Variants in TNFRSF10B observed in about 807,000 individuals in gnomAD.
The protein encoded by TNFRSF10B is TNF receptor superfamily member 10b, also known as tumor necrosis factor receptor superfamily member 10B.
TNFRSF10B carries 35 observed loss-of-function variants against 41.4 expected under a neutral mutation model. The ratio of observed to expected loss-of-function variants is 0.85; its 90% CI spans 0.65 to 1.12. The LOEUF is 1.12. Among genes scored for constraint, TNFRSF10B ranks in the 50% most tolerant of loss-of-function variants. TNFRSF10B has a pLI of 0.00. For synonymous variants in TNFRSF10B, 230 were observed against 215.5 expected, an observed-to-expected ratio of 1.07 and a Z score of -0.59; for missense variants, 584 against 552.7, an observed-to-expected ratio of 1.06 and a Z score of -0.57.
At chr8:23,058,212 A>G (rs1372338216) in intron 1 of TNFRSF10B, among the ~76,000 whole-genome samples, 1 of 152,062 alleles carries the variant, frequency 6.6e-6, no homozygotes, top group Non-Finnish European at 1.5e-5. Flanking sequence ...TCGCCACTGC[A>G]CTCCAGCCTG....
intron 7 of TNFRSF10B, 93 bp from the exon 8 acceptor site, chr8:23,024,353 C>T: frequency 7.5e-7 from 1 of 1,340,546 alleles, no homozygotes; most frequent in Admixed American, 1.7e-5. Context: ...AGACCTGCAG[C>T]ACGTCACTTC....
At position 23,027,302 on chromosome 8, in the gene TNFRSF10B, T is replaced by C. The variant is rs372097332; in HGVS notation, c.781-14A>G. 14 of 1,613,704 alleles carry C rather than the reference T, an allele frequency of 8.7e-6. No homozygotes were observed. Among genetic ancestry groups the C allele is most frequent in the East Asian group, 4.5e-5 (2 of 44,882 alleles). On this transcript the variant is annotated splice_polypyrimidine_tract_variant and intron_variant, in intron 6 of 8. Transcript: ENST00000276431. Reference sequence around the variant, plus strand: ...TCGTTGTGAGCTCTGGAAAAAGACATTGGGAAGGCAAAAAGCCGACTCAGG... The same window carrying C: ...TCGTTGTGAGCTCTGGAAAAAGACACTGGGAAGGCAAAAAGCCGACTCAGG...
At position 23,020,965 on chromosome 8, in the gene TNFRSF10B, C is replaced by T. The variant is rs1468623750; in HGVS notation, c.*1706G>A. The T allele has an allele frequency of 4.4e-6, 2 of 453,922 alleles. No individual in the cohort carries two copies. Among genetic ancestry groups the T allele is most frequent in the African/African-American group, 2.0e-5 (1 of 49,976 alleles). The allele number at this position is 453,922 out of a possible 1,614,324, so 28.1% of individuals were successfully genotyped here. ...GAAGTGCAAAGACCAGAAAGGTCAC[C>T]CCCCACTCCTAAAACTCCACAGACA... is the stretch of plus-strand genomic sequence containing the variant. On this transcript the variant is annotated 3_prime_UTR_variant, in exon 9 of 9. Transcript: ENST00000276431.
chr8:23,042,088 TCATCCATC>T (rs1193028319), intron 2 of TNFRSF10B, among the ~76,000 whole-genome samples: 1 of 152,202 alleles, frequency 6.6e-6, no homozygotes, highest in African/African-American at 2.4e-5. Context: ...TCCCCACACG[TCATCCATC>T]CACACCCCAA....
rs1033330364 is a variant in TNFRSF10B at position 23,020,140 on chromosome 8, A to G, written c.*2531T>C. ...AGACAAAAACCACACCTCTTTTTAT[A>G]TAAGGTTTCATATTTAATTTGGTCA... On this transcript the variant is annotated 3_prime_UTR_variant, in exon 9 of 9. Transcript: ENST00000276431. 1.5e-5 allele frequency: 6 copies of G among 387,178 alleles called. No individual in the cohort carries two copies. The highest frequency in any genetic ancestry group is 3.1e-5 in the Non-Finnish European group (6 of 195,442). The allele number at this position is 387,178 out of a possible 1,614,324, so 24.0% of individuals were successfully genotyped here.
rs1811587421 is a variant in TNFRSF10B at position 23,023,043 on chromosome 8, TTC to T, written c.1010-61_1010-60del. 2.5e-6 allele frequency: 4 copies of T among 1,588,532 alleles called. No individual in the cohort carries two copies. In the South Asian group the frequency reaches 4.5e-5, roughly 18 times the overall value. ...GTTGGGACTCAGAAAGGGCAGAGGA[TTC>T]CACATCAGGCCCAGAACCCAAGGCG... On this transcript the variant is annotated intron_variant, in intron 8 of 8. Coordinates refer to ENST00000276431, the MANE Select transcript of TNFRSF10B (RefSeq NM_003842.5).
In TNFRSF10B at chr8:23,030,775, G is replaced by A; in HGVS notation, c.348C>T (p.Cys116=). 1 of 1,612,580 alleles carries A rather than the reference G, an allele frequency of 6.2e-7. No individual in the cohort carries two copies. The highest frequency in any genetic ancestry group is 8.5e-7 in the Non-Finnish European group (1 of 1,179,236). The stretch of plus-strand genomic sequence containing the variant: ...GTTCTGTACCTGAATCACACCTGGT[G>A]CAGCGCAAGCAGAAAAGGAGGTCAT... ...HWNDLLFCLR[C]TRCDSGEVEL... Residue 116 remains cysteine, a synonymous_variant, in exon 3 of 9, where the codon TGC becomes TGT. Transcript: ENST00000276431.
rs141831388 is a variant in TNFRSF10B, at chr8:23,022,674, G to A, written c.1320C>T (p.Ser440=). Residue 440 remains serine (S), a synonymous_variant, in exon 9 of 9, where the codon TCC becomes TCT. Coordinates refer to ENST00000276431, the MANE Select transcript of TNFRSF10B (RefSeq NM_003842.5). The stretch of plus-strand genomic sequence containing the variant: ...GACTTCCTGAAGAGAATCACACTTA[G>A]GACATGGCAGAGTCTGCATTACCTT... ...YLEGNADSAM[S] The A allele has an allele frequency of 3.7e-6, 6 of 1,614,024 alleles. No individual in the cohort carries two copies. The highest frequency in any genetic ancestry group is 3.3e-4 in the Middle Eastern group (2 of 6,062).
chr8:23,042,944 C>A (rs1208827214), intron 2 of TNFRSF10B, 194 bp downstream of exon 2: 2 of 572,668 alleles, frequency 3.5e-6, no homozygotes, highest in Non-Finnish European at 6.3e-6. Context: ...CTATCAGTTT[C>A]TTTGGCTGTC....
intron 1 of TNFRSF10B, among the ~76,000 whole-genome samples, chr8:23,045,949 G>A (rs1414215450): frequency 2.0e-5 from 3 of 149,892 alleles, no homozygotes; most frequent in Non-Finnish European, 3.0e-5. Context: ...CACAAAAAAA[G>A]CCTTATATGA....
At chr8:23,031,912 ATT>A (rs1554508518) in intron 2 of TNFRSF10B, among the ~76,000 whole-genome samples, 3 of 27,860 alleles carry the variant, frequency 1.1e-4, no homozygotes, top group Non-Finnish European at 1.7e-4. Context: ...TTGCAGTAGC[ATT>A]TTTTTTTTTT....
At chr8:23,064,143 T>C (rs1812914375) in intron 1 of TNFRSF10B, among the ~76,000 whole-genome samples, 1 of 152,236 alleles carries the variant, frequency 6.6e-6, no homozygotes, top group African/African-American at 2.4e-5. Context: ...AACCCCAAAG[T>C]CCATGAACTT....
At chr8:23,059,754 C>T (rs763415063) in intron 1 of TNFRSF10B, among the ~76,000 whole-genome samples, 9 of 152,224 alleles carry the variant, frequency 5.9e-5, no homozygotes, top group East Asian at 3.9e-4. Flanking sequence ...CCTCGTGATC[C>T]GCCTGCCTTG....
In TNFRSF10B at chr8:23,065,246, C is replaced by T. The variant is rs185389120; in HGVS notation, c.144+3505G>A. Among the ~76,000 whole-genome samples, 26 of 152,346 alleles carry T rather than the reference C, an allele frequency of 1.7e-4. No homozygotes were observed. The East Asian group carries it at 5.0e-3, about 29-fold the overall frequency. Reference sequence around the variant, plus strand: ...TCACTCCTGTCCCCGCCGCCAAGCACATGCAGTGAGACTAGCTGTGGCCTC... The same window carrying T: ...TCACTCCTGTCCCCGCCGCCAAGCATATGCAGTGAGACTAGCTGTGGCCTC... On this transcript the variant is annotated intron_variant, in intron 1 of 8. Coordinates refer to ENST00000276431, the MANE Select transcript of TNFRSF10B (RefSeq NM_003842.5).
rs201446154 is a variant in TNFRSF10B at position 23,068,901 on chromosome 8, A to T, written c.-7T>A. The T allele has an allele frequency of 6.2e-7, 1 of 1,613,384 alleles. No individual in the cohort carries two copies. Among genetic ancestry groups the T allele is most frequent in the Non-Finnish European group, 8.5e-7 (1 of 1,179,938 alleles). ...TCTGTCCCCGTTGTTCCATGGCGGT[A>T]GGGAACGCTCTTATAGTCTCTCAGG... On this transcript the variant is annotated 5_prime_UTR_variant, in exon 1 of 9. Coordinates refer to ENST00000276431, the MANE Select transcript of TNFRSF10B (RefSeq NM_003842.5).
At position 23,039,610 on chromosome 8, in the gene TNFRSF10B, C is replaced by T. The variant is rs565192459; in HGVS notation, c.250+3528G>A. 2.0e-5 allele frequency among the ~76,000 whole-genome samples: 3 copies of T among 152,340 alleles called. No individual in the cohort carries two copies. In the East Asian group the frequency reaches 5.8e-4, roughly 29 times the overall value. On this transcript the variant is annotated intron_variant, in intron 2 of 8. Coordinates refer to ENST00000276431, the MANE Select transcript of TNFRSF10B (RefSeq NM_003842.5). ...AACAACAACAACAAACACACCTTCACAGAAACATCTAGGATAATATTTGGC... is the reference window on the plus strand; with the variant it reads ...AACAACAACAACAAACACACCTTCATAGAAACATCTAGGATAATATTTGGC...
At chr8:23,027,802 A>AC in intron 5 of TNFRSF10B, 49 bp from the exon 6 acceptor site, 5 of 1,611,140 alleles carry the variant, frequency 3.1e-6, no homozygotes, top group South Asian at 2.2e-5. Context: ...CCCATGAAGC[A>AC]CCCCCCTCCC....
chr8:23,045,554 TAC>T (rs1812333172), intron 1 of TNFRSF10B, among the ~76,000 whole-genome samples: 1 of 152,112 alleles, frequency 6.6e-6, no homozygotes, highest in African/African-American at 2.4e-5. Context: ...CCAAATAAAT[TAC>T]AGAGGAGGGA....
chr8:23,031,956 G>A (rs1364407849), intron 2 of TNFRSF10B, among the ~76,000 whole-genome samples: 1 of 144,950 alleles, frequency 6.9e-6, no homozygotes, highest in Non-Finnish European at 1.5e-5. Context: ...CTGTTGCCCA[G>A]GCTAGAGTGC....
Sources: allele counts gnomAD v4.1 joint callset (sites outside exome capture counted in the v4.1 genomes callset), GRCh38; gene constraint gnomAD v4.1.1; transcripts MANE v1.5; gene names NCBI Gene and HGNC (gene_info 2026-07-23, HGNC 2026-07-21).